The following HYLS1 variants were observed in gnomAD, a reference collection of about 807,000 sequenced individuals.
HYLS1 encodes the protein centriolar and ciliogenesis-associated protein HYLS1.
A neutral mutation model predicts 29.4 loss-of-function variants in HYLS1; 25 were observed. The observed-to-expected ratio is 0.85, with a 90% CI of 0.62 to 1.19. The LOEUF (loss-of-function observed/expected upper bound fraction) is 1.19. HYLS1 is among the 50% of genes most tolerant of loss of function. The pLI, the probability that HYLS1 is intolerant of heterozygous loss-of-function variation, is 0.00. For missense variants in HYLS1, 352 were observed against 365.1 expected (o/e 0.96, Z 0.29); for synonymous variants, 128 against 126.7 (o/e 1.01, Z -0.07).
chr11:125,896,541 T>C (rs910294799), intron 2 of HYLS1, among the ~76,000 whole-genome samples: 3 of 152,246 alleles, frequency 2.0e-5, no homozygotes, highest in African/African-American at 7.2e-5. Flanking sequence ...CTGTTTGTTA[T>C]TCAGTTGTCA....
Position 125,899,642 on chromosome 11 carries a change from C to G in HYLS1, c.274C>G (p.Pro92Ala). The G allele has an allele frequency of 6.2e-7, 1 of 1,614,128 alleles. No homozygotes were observed. The highest frequency in any genetic ancestry group is 8.5e-7 in the Non-Finnish European group (1 of 1,180,032). The part of the protein sequence containing the change: ...VSEASQRLRK[P>A]VMKRKVLRRK... ...TGAGGCCTCCCAAAGACTCCGAAAG[C>G]CAGTGATGAAGAGAAAGGTGCTGCG... The change falls in exon 3 of 3, where the codon CCA becomes GCA. Residue 92 changes from proline (P) to alanine (A), a missense_variant. Pro to Ala is a conservative substitution (Grantham distance 27). Transcript: ENST00000425380.
At chr11:125,885,599 G>A (rs922096065), upstream of HYLS1, among the ~76,000 whole-genome samples, 1 of 152,216 alleles carries the variant, frequency 6.6e-6, no homozygotes, top group African/African-American at 2.4e-5. Context: ...AAGTCATGCT[G>A]GCATAAGATA....
intron 2 of HYLS1, among the ~76,000 whole-genome samples, chr11:125,896,612 C>G (rs1944599124): frequency 6.6e-6 from 1 of 152,178 alleles, no homozygotes; most frequent in South Asian, 2.1e-4. Flanking sequence ...TTTCATTTCT[C>G]TATCTTCACT....
intron 2 of HYLS1, among the ~76,000 whole-genome samples, chr11:125,892,008 G>A (rs113039075): frequency 8.5e-5 from 13 of 152,264 alleles, no homozygotes; most frequent in African/African-American, 3.1e-4. Context: ...AAACATATTT[G>A]TATACCTGAA....
chr11:125,890,602 G>T (rs746289767), intron 1 of HYLS1, among the ~76,000 whole-genome samples: 14 of 152,226 alleles, frequency 9.2e-5, no homozygotes, highest in South Asian at 2.1e-4. Flanking sequence ...CCTTTTGATT[G>T]TAACTAGCTA....
intron 2 of HYLS1, among the ~76,000 whole-genome samples, chr11:125,898,412 G>A (rs761287042): frequency 1.4e-4 from 22 of 152,140 alleles, no homozygotes; most frequent in South Asian, 2.1e-4. Flanking sequence ...ACAGCTGGGC[G>A]CGGTGGCTCA....
intron 1 of HYLS1, chr11:125,888,113 G>A (rs1415155010): frequency 6.6e-6 from 1 of 152,244 alleles, no homozygotes; most frequent in Non-Finnish European, 1.5e-5. Flanking sequence ...GGGCTGGAGG[G>A]GAGTCCCGAA....
upstream of HYLS1, among the ~76,000 whole-genome samples, chr11:125,886,483 G>A (rs1334704508): frequency 1.3e-5 from 2 of 151,738 alleles, no homozygotes; most frequent in African/African-American, 2.4e-5. Context: ...GTTGAGATAG[G>A]TTTGCTTGGT....
At chr11:125,884,348 GC>G (rs1184614575), upstream of HYLS1, among the ~76,000 whole-genome samples, 1 of 152,140 alleles carries the variant, frequency 6.6e-6, no homozygotes, top group Non-Finnish European at 1.5e-5. Flanking sequence ...GGTGGCGGGT[GC>G]CTGTAGTCCC....
Position 125,899,582 on chromosome 11 carries a change from C to T in HYLS1, c.214C>T (p.His72Tyr), listed in dbSNP as rs1198994646. ...PALPVQLQYP[H>Y]VESNVPSETV... Reference sequence around the variant, plus strand: ...TCTTCCTGTGCAACTACAGTACCCACATGTAGAAAGTAATGTCCCTTCAGA... The same window carrying T: ...TCTTCCTGTGCAACTACAGTACCCATATGTAGAAAGTAATGTCCCTTCAGA... Residue 72 changes from histidine (H) to tyrosine (Y), a missense_variant, in exon 3 of 3, where the codon CAT (histidine) becomes TAT (tyrosine). By Grantham distance (83) the His-to-Tyr change is moderately conservative. Transcript: ENST00000425380. 6.2e-7 allele frequency: 1 copy of T among 1,614,062 alleles called. No individual in the cohort carries two copies. Among genetic ancestry groups the T allele is most frequent in the South Asian group, 1.1e-5 (1 of 91,082 alleles).
chr11:125,892,385 A>C (rs1218102079), intron 2 of HYLS1, among the ~76,000 whole-genome samples: 1 of 152,210 alleles, frequency 6.6e-6, no homozygotes, highest in Middle Eastern at 3.2e-3. Context: ...TATGGTTGCA[A>C]AGGATAATGT....
chr11:125,892,729 T>C (rs960755540), intron 2 of HYLS1, among the ~76,000 whole-genome samples: 46 of 152,204 alleles, frequency 3.0e-4, no homozygotes, highest in African/African-American at 1.1e-3. Flanking sequence ...AGCCCCCTAA[T>C]TGGTCACAGT....
chr11:125,884,352 G>A (rs1944272434), upstream of HYLS1, among the ~76,000 whole-genome samples: 2 of 152,144 alleles, frequency 1.3e-5, no homozygotes, highest in Admixed American at 6.5e-5. Context: ...GCGGGTGCCT[G>A]TAGTCCCAGC....
intron 2 of HYLS1, chr11:125,893,973 A>G: frequency 6.2e-7 from 1 of 1,614,132 alleles, no homozygotes; most frequent in Non-Finnish European, 8.5e-7. Flanking sequence ...AGTCCTTGGC[A>G]TTTAGGACGG....
At chr11:125,896,382 A>G (rs1421092459) in intron 2 of HYLS1, 3 of 1,175,016 alleles carry the variant, frequency 2.6e-6, no homozygotes, top group Non-Finnish European at 3.6e-6. Flanking sequence ...TCCTTTGATG[A>G]TGTTCTAATG....
intron 2 of HYLS1, chr11:125,894,239 T>C: frequency 1.2e-6 from 2 of 1,612,966 alleles, no homozygotes; most frequent in South Asian, 2.2e-5. Context: ...CCACTTGACA[T>C]TTTCAAACTT....
chr11:125,891,847 T>C (rs923806411), intron 2 of HYLS1, among the ~76,000 whole-genome samples: 2 of 152,240 alleles, frequency 1.3e-5, no homozygotes, highest in Non-Finnish European at 2.9e-5. Flanking sequence ...TATGCTATTT[T>C]ACTTCCTAAA....
chr11:125,886,480 T>C (rs967649496), upstream of HYLS1, among the ~76,000 whole-genome samples: 3 of 151,866 alleles, frequency 2.0e-5, no homozygotes, highest in Non-Finnish European at 2.9e-5. Context: ...CCAGTTGAGA[T>C]AGGTTTGCTT....
chr11:125,893,695 T>A, intron 2 of HYLS1: 2 of 1,000,656 alleles, frequency 2.0e-6, no homozygotes, highest in South Asian at 2.3e-5. Flanking sequence ...ATCATCTGAA[T>A]TCCTAGTACT....
Sources: gnomAD v4.1 joint callset for allele counts (sites outside exome capture counted in the v4.1 genomes callset) on GRCh38, gnomAD v4.1.1 for gene constraint, MANE v1.5 for transcripts, NCBI Gene and HGNC (gene_info 2026-07-23, HGNC 2026-07-21) for gene names.